The following RANBP2 variants were observed in gnomAD, a reference collection of about 807,000 sequenced individuals.
The protein encoded by RANBP2 is E3 SUMO-protein ligase RanBP2.
Under a neutral mutation model 303.6 loss-of-function variants are expected in RANBP2, and 57 were observed. That is an observed-to-expected ratio of 0.19 (90% CI 0.15 to 0.23). The LOEUF is 0.23. Among genes scored for constraint, RANBP2 ranks in the 10% least tolerant of loss-of-function variants. The pLI is 1.00. For missense variants in RANBP2, 3,138 were observed against 3,780.8 expected (o/e 0.83, Z 4.46); for synonymous variants, 1,167 against 1,301.5 (o/e 0.90, Z 2.23).
At chr2:109,156,107 C>T in the RANBP2 span, among the ~76,000 whole-genome samples, 3 of 152,234 alleles carry the variant, frequency 2.0e-5, no homozygotes, top group Non-Finnish European at 4.4e-5. Flanking sequence ...AGGATGCTGC[C>T]TGCTTGCTAG....
the RANBP2 span, among the ~76,000 whole-genome samples, chr2:109,389,531 T>A: frequency 6.6e-6 from 1 of 152,174 alleles, no homozygotes; most frequent in Non-Finnish European, 1.5e-5. Context: ...AAAAGGCCGG[T>A]CAGGACCCAA....
chr2:109,113,908 T>G, the RANBP2 span, among the ~76,000 whole-genome samples: 1 of 152,254 alleles, frequency 6.6e-6, no homozygotes, highest in Admixed American at 6.5e-5. Flanking sequence ...GGTTTTTGTC[T>G]TTGGTTCTGT....
chr2:108,815,893 T>C, the RANBP2 span: 1 of 1,499,492 alleles, frequency 6.7e-7, no homozygotes, highest in Non-Finnish European at 9.1e-7. Context: ...TCTTTGAAGT[T>C]TTATGAAGTT....
At chr2:109,366,338 T>G in the RANBP2 span, among the ~76,000 whole-genome samples, 1 of 152,220 alleles carries the variant, frequency 6.6e-6, no homozygotes, top group Admixed American at 6.5e-5. Context: ...ATGGAATGTC[T>G]CTGTGTAGTT....
the RANBP2 span, among the ~76,000 whole-genome samples, chr2:108,832,369 C>CA: frequency 8.3e-6 from 1 of 120,980 alleles, no homozygotes; most frequent in African/African-American, 3.2e-5. Flanking sequence ...TTTTTTGAGA[C>CA]AGAGTTTCAC....
At chr2:109,191,659 G>A in the RANBP2 span, among the ~76,000 whole-genome samples, 1 of 152,146 alleles carries the variant, frequency 6.6e-6, no homozygotes, top group East Asian at 1.9e-4. Flanking sequence ...GGAGCCACTT[G>A]CCCATGGCAG....
chr2:109,463,385 C>T, the RANBP2 span, among the ~76,000 whole-genome samples: 1 of 152,242 alleles, frequency 6.6e-6, no homozygotes, highest in East Asian at 1.9e-4. Flanking sequence ...CCCCCTTGCT[C>T]TGGGACCCAG....
At chr2:109,731,220 C>T in the RANBP2 span, among the ~76,000 whole-genome samples, 2 of 152,096 alleles carry the variant, frequency 1.3e-5, no homozygotes, top group Non-Finnish European at 2.9e-5. Context: ...AGTTTATTTG[C>T]AGCAACCAAA....
chr2:109,457,889 A>G, the RANBP2 span, among the ~76,000 whole-genome samples: 1 of 152,208 alleles, frequency 6.6e-6, no homozygotes, highest in Non-Finnish European at 1.5e-5. Flanking sequence ...AGAAGGCAAC[A>G]AAGTCAGCAT....
chr2:109,738,358 CTT>C, the RANBP2 span, among the ~76,000 whole-genome samples: 1 of 143,912 alleles, frequency 6.9e-6, no homozygotes, highest in Non-Finnish European at 1.5e-5. Context: ...GAGTTTCGCT[CTT>C]GTTGCCCAGG....
rs754771784 is a variant in RANBP2 at position 108,766,536 on chromosome 2, T to C, written c.5997T>C (p.Asp1999=). 5 of 1,611,824 alleles carry C rather than the reference T, an allele frequency of 3.1e-6. No homozygotes were observed. The highest frequency in any genetic ancestry group is 2.2e-4 in the Middle Eastern group (1 of 4,452). Residue 1999 remains aspartate, a synonymous_variant, in exon 20 of 29, where the codon GAT becomes GAC. Coordinates refer to ENST00000283195, the MANE Select transcript of RANBP2 (RefSeq NM_006267.5). The part of the protein sequence containing the change: ...KANTSGDFEK[D]DDAYKTEDSD... ...ACACTTCCGGTGACTTTGAGAAAGA[T>C]GATGATGCCTATAAGACTGAGGACA...
At chr2:109,289,921 G>T in the RANBP2 span, among the ~76,000 whole-genome samples, 1 of 152,168 alleles carries the variant, frequency 6.6e-6, no homozygotes, top group Non-Finnish European at 1.5e-5. Flanking sequence ...TCTGCTTCTA[G>T]TTCTTAAATC....
At chr2:109,223,185 A>G in the RANBP2 span, among the ~76,000 whole-genome samples, 1 of 152,338 alleles carries the variant, frequency 6.6e-6, no homozygotes, top group South Asian at 2.1e-4. Flanking sequence ...GCTGCCACAG[A>G]TCATGAATGC....
At chr2:109,506,591 T>TTGTCACATATGTTA in the RANBP2 span, among the ~76,000 whole-genome samples, 1 of 152,088 alleles carries the variant, frequency 6.6e-6, no homozygotes, top group Non-Finnish European at 1.5e-5. Flanking sequence ...CTGCATAGAG[T>TTGTCACATATGTTA]TGTCACATAT....
At chr2:108,897,331 T>A in the RANBP2 span, 25 of 1,184,196 alleles carry the variant, frequency 2.1e-5, no homozygotes, top group South Asian at 1.7e-4. Context: ...TTGAAAAAAA[T>A]TTTTTTAAAA....
At chr2:108,970,013 T>C in the RANBP2 span, among the ~76,000 whole-genome samples, 3 of 152,196 alleles carry the variant, frequency 2.0e-5, no homozygotes, top group African/African-American at 7.2e-5. Context: ...CAGCACAGGC[T>C]TTGGTGACGT....
chr2:109,038,869 G>T, the RANBP2 span, among the ~76,000 whole-genome samples: 1 of 152,106 alleles, frequency 6.6e-6, no homozygotes, highest in Non-Finnish European at 1.5e-5. Context: ...AGACATTCTG[G>T]TGTAAGTGTA....
At chr2:109,321,984 A>G in the RANBP2 span, among the ~76,000 whole-genome samples, 75 of 152,234 alleles carry the variant, frequency 4.9e-4, no homozygotes, top group African/African-American at 1.8e-3. Flanking sequence ...GTTATTCAGT[A>G]TGAAAGCAAA....
At chr2:109,557,249 A>C in the RANBP2 span, among the ~76,000 whole-genome samples, 1 of 152,246 alleles carries the variant, frequency 6.6e-6, no homozygotes, top group East Asian at 1.9e-4. Flanking sequence ...ATGCTTCATT[A>C]ATCTATACAA....
Sources: gnomAD v4.1 joint callset for allele counts (sites outside exome capture counted in the v4.1 genomes callset) on GRCh38, gnomAD v4.1.1 for gene constraint, MANE v1.5 for transcripts, NCBI Gene and HGNC (gene_info 2026-07-23, HGNC 2026-07-21) for gene names.